Variants in TSNARE1 observed in about 807,000 individuals in gnomAD.
TSNARE1 encodes the protein t-SNARE domain containing 1.
A neutral mutation model predicts 62.0 loss-of-function variants in TSNARE1; 49 were observed. That is an observed-to-expected ratio of 0.79 (90% CI 0.63 to 1.00). TSNARE1 has a LOEUF of 1.00. Ranked by LOEUF, TSNARE1 falls within the 50% of genes least tolerant of loss-of-function variation. The probability of loss-of-function intolerance (pLI) is 0.00; values close to 1 mark genes in which losing one functional copy is unlikely to be tolerated. For missense variants in TSNARE1, 755 were observed against 700.1 expected, an observed-to-expected ratio of 1.08 and a Z score of -0.88; for synonymous variants, 328 against 294.4, an observed-to-expected ratio of 1.11 and a Z score of -1.17.
intron 12 of TSNARE1, among the ~76,000 whole-genome samples, 161 bp from the exon 13 acceptor site, chr8:142,229,740 G>A (rs1238257551): frequency 1.3e-5 from 2 of 152,168 alleles, no homozygotes; most frequent in Non-Finnish European, 2.9e-5. Flanking sequence ...GCTCTGTCCT[G>A]AGCTAGCATG....
intron 13 of TSNARE1, among the ~76,000 whole-genome samples, chr8:142,220,364 C>CCAGATTCT (rs1443117685): frequency 6.6e-6 from 1 of 152,230 alleles, no homozygotes; most frequent in Admixed American, 6.5e-5. Flanking sequence ...AGCCCACTTG[C>CCAGATTCT]CAGATTCTGC....
At chr8:142,310,751 T>C (rs990990931) in intron 9 of TSNARE1, among the ~76,000 whole-genome samples, 1 of 152,214 alleles carries the variant, frequency 6.6e-6, no homozygotes, top group African/African-American at 2.4e-5. Context: ...AATGTGCTCT[T>C]AACATTTTTT....
At chr8:142,314,647 C>T (rs1449519763) in intron 8 of TSNARE1, among the ~76,000 whole-genome samples, 1 of 152,196 alleles carries the variant, frequency 6.6e-6, no homozygotes, top group Non-Finnish European at 1.5e-5. Context: ...GAAGAGGCTG[C>T]CAGGGCCGGG....
chr8:142,331,710 G>A, intron 5 of TSNARE1, 44 bp downstream of exon 5: 1 of 1,542,558 alleles, frequency 6.5e-7, no homozygotes. Flanking sequence ...AGTGGTCCAG[G>A]GTGCCTGGAT....
At chr8:142,322,332 G>A (rs13266463) in intron 6 of TSNARE1, among the ~76,000 whole-genome samples, 104,124 of 152,122 alleles carry the variant, frequency 0.68, 36,443 homozygotes, top group African/African-American at 0.82. Flanking sequence ...ACTTAGAGCA[G>A]AAGATGGAAT....
intron 1 of TSNARE1, among the ~76,000 whole-genome samples, chr8:142,394,659 T>TG (rs1837776043): frequency 6.6e-6 from 1 of 152,162 alleles, no homozygotes; most frequent in African/African-American, 2.4e-5. Flanking sequence ...TTCATGGTCT[T>TG]GGGAAACTAC....
chr8:142,326,506 C>T (rs112390155), intron 6 of TSNARE1, among the ~76,000 whole-genome samples: 5 of 123,066 alleles, frequency 4.1e-5, no homozygotes, highest in Middle Eastern at 5.0e-3. Flanking sequence ...CCAGCACCAG[C>T]GAAGGGGAGG....
At chr8:142,274,893 C>T in intron 11 of TSNARE1, 30 bp from the exon 12 acceptor site, 11 of 1,500,574 alleles carry the variant, frequency 7.3e-6, no homozygotes, top group Non-Finnish European at 9.8e-6. Context: ...AAGGCAATTA[C>T]AGATGGAGGC....
upstream of TSNARE1, chr8:142,403,955 G>A (rs1838495453): frequency 6.6e-6 from 1 of 152,228 alleles, no homozygotes; most frequent in African/African-American, 2.4e-5. Context: ...GCGGACAATG[G>A]GTGTGTGTCC....
rs529427684 is a variant in TSNARE1, at chr8:142,217,763, G to A, written c.*12-5450C>T. On this transcript the variant is annotated intron_variant, in intron 13 of 13. Coordinates refer to ENST00000524325, the MANE Select transcript of TSNARE1 (RefSeq NM_145003.5). ...TAGGGTCAGTGTGTGACCAGGATCAGAGCTTAGTTTGTGACCAGGATCAGC... is the reference window on the plus strand; with the variant it reads ...TAGGGTCAGTGTGTGACCAGGATCAAAGCTTAGTTTGTGACCAGGATCAGC... 2.0e-5 allele frequency among the ~76,000 whole-genome samples: 3 copies of A among 151,692 alleles called. No homozygotes were observed. The East Asian group carries it at 5.8e-4, about 29-fold the overall frequency.
intron 12 of TSNARE1, chr8:142,271,608 G>A: frequency 7.0e-7 from 1 of 1,434,374 alleles, no homozygotes; most frequent in Admixed American, 2.7e-5. Flanking sequence ...CGTAAGTCCA[G>A]GGGGTCAGGT....
intron 1 of TSNARE1, among the ~76,000 whole-genome samples, chr8:142,398,694 T>A (rs1000747063): frequency 2.0e-5 from 3 of 152,300 alleles, no homozygotes; most frequent in African/African-American, 7.2e-5. Flanking sequence ...AGGCATGGCC[T>A]TAGCATAGTC....
chr8:142,276,787 G>A (rs1365812278), intron 11 of TSNARE1: 1 of 985,266 alleles, frequency 1.0e-6, no homozygotes, highest in Non-Finnish European at 1.2e-6. Context: ...TGCTGCTCCA[G>A]GGCTGCATGC....
chr8:142,227,392 G>A (rs1381691443), intron 13 of TSNARE1, among the ~76,000 whole-genome samples: 12 of 107,278 alleles, frequency 1.1e-4, no homozygotes, highest in South Asian at 4.0e-4. Context: ...CCTGCCAATA[G>A]CCCCAGTGAC....
intron 12 of TSNARE1, chr8:142,270,649 A>G: frequency 1.0e-6 from 1 of 985,338 alleles, no homozygotes; most frequent in Non-Finnish European, 1.2e-6. Flanking sequence ...CAGGAGTCAC[A>G]CCAGATCACG....
intron 12 of TSNARE1, among the ~76,000 whole-genome samples, chr8:142,256,331 T>C (rs1818557319): frequency 5.3e-4 from 2 of 3,784 alleles, no homozygotes; most frequent in Non-Finnish European, 1.2e-3. Flanking sequence ...ATCACCATCT[T>C]TGCCACCATC....
At chr8:142,288,531 G>A (rs567999089) in intron 10 of TSNARE1, among the ~76,000 whole-genome samples, 3 of 152,360 alleles carry the variant, frequency 2.0e-5, no homozygotes, top group South Asian at 4.1e-4. Flanking sequence ...GCTCCTCCAA[G>A]GCCCCGGGTC....
intron 2 of TSNARE1, among the ~76,000 whole-genome samples, chr8:142,353,050 C>A (rs985792292): frequency 4.6e-5 from 7 of 152,130 alleles, no homozygotes; most frequent in Non-Finnish European, 8.8e-5. Flanking sequence ...ATGGAAGGAA[C>A]CTCCATCCAC....
At chr8:142,263,395 G>A (rs1818983951) in intron 12 of TSNARE1, among the ~76,000 whole-genome samples, 2 of 152,196 alleles carry the variant, frequency 1.3e-5, no homozygotes, top group South Asian at 4.1e-4. Flanking sequence ...ACCTGGCGAG[G>A]ATGCCGTATC....
Sources: allele counts gnomAD v4.1 joint callset (sites outside exome capture counted in the v4.1 genomes callset), GRCh38; gene constraint gnomAD v4.1.1; transcripts MANE v1.5; gene names NCBI Gene and HGNC (gene_info 2026-07-23, HGNC 2026-07-21).